The following PRKCB variants were observed in gnomAD, a reference collection of about 807,000 sequenced individuals.
PRKCB encodes the protein protein kinase C beta, also known as protein kinase C beta type.
A neutral mutation model predicts 81.5 loss-of-function variants in PRKCB; 13 were observed. The ratio of observed to expected loss-of-function variants is 0.16; its 90% confidence interval spans 0.10 to 0.25. PRKCB has a LOEUF of 0.25. PRKCB is among the 10% of genes least tolerant of loss of function. PRKCB has a pLI of 1.00. For missense variants in PRKCB, 509 were observed against 875.7 expected (o/e 0.58, Z 5.29); for synonymous variants, 335 against 321.4 (o/e 1.04, Z -0.45).
chr16:24,192,595 C>T (rs1967810401), intron 16 of PRKCB, among the ~76,000 whole-genome samples: 1 of 152,194 alleles, frequency 6.6e-6, no homozygotes. Context: ...CCTCTCTTGG[C>T]CAGATGCACA....
chr16:24,174,497 T>G, intron 11 of PRKCB, 21 bp from the exon 12 acceptor site: 1 of 1,334,142 alleles, frequency 7.5e-7, no homozygotes, highest in Non-Finnish European at 1.0e-6. Flanking sequence ...TCCATCGCTT[T>G]TTTTTTTTTT....
At chr16:24,087,391 G>T (rs1433265993) in intron 5 of PRKCB, among the ~76,000 whole-genome samples, 1 of 152,150 alleles carries the variant, frequency 6.6e-6, no homozygotes, top group African/African-American at 2.4e-5. Flanking sequence ...GTATGAATGC[G>T]CCATATATTA....
chr16:24,124,462 C>T (rs1037181602), intron 9 of PRKCB, among the ~76,000 whole-genome samples: 1 of 152,146 alleles, frequency 6.6e-6, no homozygotes, highest in African/African-American at 2.4e-5. Context: ...AGCGGGGAGC[C>T]ATTGAACCTT....
At chr16:23,901,918 G>T (rs1963480460) in intron 2 of PRKCB, among the ~76,000 whole-genome samples, 1 of 152,208 alleles carries the variant, frequency 6.6e-6, no homozygotes, top group Admixed American at 6.5e-5. Flanking sequence ...CTGTGGCTGA[G>T]TGTGTGTGCC....
At chr16:23,953,385 CG>C (rs1055354887) in intron 2 of PRKCB, among the ~76,000 whole-genome samples, 7 of 152,194 alleles carry the variant, frequency 4.6e-5, no homozygotes, top group African/African-American at 1.4e-4. Context: ...TGGCTGCTCC[CG>C]AGCAGCCATC....
Position 23,864,086 on chromosome 16 carries a change from T to C in PRKCB, c.205+26680T>C, listed in dbSNP as rs548269049. On this transcript the variant is annotated intron_variant, in intron 2 of 16. Transcript: ENST00000643927. ...TGTAGGGCGACTAACATGAAGGTTC[T>C]GACTCTTAACCCATAGAGCCACAAA... is the stretch of plus-strand genomic sequence containing the variant. 7.2e-5 allele frequency among the ~76,000 whole-genome samples: 11 copies of C among 152,314 alleles called. No individual in the cohort carries two copies. The South Asian group carries it at 2.1e-3, about 29-fold the overall frequency.
At chr16:24,002,903 C>T (rs1188598981) in intron 3 of PRKCB, among the ~76,000 whole-genome samples, 1 of 152,118 alleles carries the variant, frequency 6.6e-6, no homozygotes, top group Non-Finnish European at 1.5e-5. Context: ...TCAACTGGGG[C>T]TCCCTTACCC....
At chr16:23,946,619 T>C (rs1964206493) in intron 2 of PRKCB, among the ~76,000 whole-genome samples, 1 of 147,072 alleles carries the variant, frequency 6.8e-6, no homozygotes, top group Non-Finnish European at 1.5e-5. Context: ...AAATGCTGAT[T>C]CTTAGCAGGC....
chr16:23,859,227 A>G (rs768231488), intron 2 of PRKCB, among the ~76,000 whole-genome samples: 32 of 152,292 alleles, frequency 2.1e-4, no homozygotes, highest in Non-Finnish European at 4.1e-4. Context: ...TCTGACTCCT[A>G]GGCTTGAAGG....
intron 5 of PRKCB, among the ~76,000 whole-genome samples, chr16:24,041,079 T>A (rs1965691915): frequency 7.8e-6 from 1 of 127,930 alleles, no homozygotes; most frequent in African/African-American, 2.8e-5. Context: ...TGTGACAGAG[T>A]CTTGCTGTCA....
intron 8 of PRKCB, among the ~76,000 whole-genome samples, chr16:24,114,486 T>C (rs1966714416): frequency 6.6e-6 from 1 of 151,954 alleles, no homozygotes; most frequent in African/African-American, 2.4e-5. Context: ...GCTGTGACCT[T>C]GAGTTACATT....
At chr16:23,865,529 G>A (rs865853315) in intron 2 of PRKCB, among the ~76,000 whole-genome samples, 20 of 1,812 alleles carry the variant, frequency 0.011, no homozygotes, top group Non-Finnish European at 0.013. Context: ...GTGTGTGTGT[G>A]TGTGTGTGTG....
At chr16:24,190,492 G>GTTTT (rs11315093) in intron 15 of PRKCB, among the ~76,000 whole-genome samples, 1 of 123,302 alleles carries the variant, frequency 8.1e-6, no homozygotes. Context: ...TTTTCTTTCT[G>GTTTT]TTTTTTTTTT....
At chr16:23,955,488 G>A (rs117934087) in intron 2 of PRKCB, among the ~76,000 whole-genome samples, 3,081 of 152,152 alleles carry the variant, frequency 0.02, 58 homozygotes, top group Non-Finnish European at 0.032. Context: ...ATGGGGTGCC[G>A]CGCTTGCCCT....
intron 3 of PRKCB, among the ~76,000 whole-genome samples, chr16:24,029,522 T>C (rs895633390): frequency 7.9e-5 from 12 of 152,222 alleles, no homozygotes; most frequent in Non-Finnish European, 1.2e-4. Context: ...GAAAATTGAC[T>C]GTTAGTCAAT....
At chr16:24,006,605 C>T (rs1046551989) in intron 3 of PRKCB, among the ~76,000 whole-genome samples, 1 of 152,210 alleles carries the variant, frequency 6.6e-6, no homozygotes. Flanking sequence ...ATGTGGCATC[C>T]TTCAGAGCGT....
intron 2 of PRKCB, among the ~76,000 whole-genome samples, chr16:23,977,506 T>A (rs1964641025): frequency 1.3e-5 from 2 of 152,104 alleles, no homozygotes; most frequent in Non-Finnish European, 2.9e-5. Flanking sequence ...TGCTGTAGAA[T>A]TGTATATGGG....
chr16:24,104,905 C>A (rs2141910719), intron 7 of PRKCB, among the ~76,000 whole-genome samples: 1 of 152,192 alleles, frequency 6.6e-6, no homozygotes, highest in East Asian at 1.9e-4. Flanking sequence ...ACACGGGGAG[C>A]CAAGGAATTA....
chr16:23,979,691 A>G lies in PRKCB; in HGVS notation c.206-8817A>G, dbSNP rs553045681. 3.3e-5 allele frequency among the ~76,000 whole-genome samples: 5 copies of G among 152,340 alleles called. No homozygotes were observed. The East Asian group carries it at 7.7e-4, about 24-fold the overall frequency. On this transcript the variant is annotated intron_variant, in intron 2 of 16. Transcript: ENST00000643927. ...TTCTCCTGGAACAGTGAGATGAATG[A>G]CAAACACACATGTAACTGCACTGTG...
Sources: allele counts gnomAD v4.1 joint callset (sites outside exome capture counted in the v4.1 genomes callset), GRCh38; gene constraint gnomAD v4.1.1; transcripts MANE v1.5; gene names NCBI Gene and HGNC (gene_info 2026-07-23, HGNC 2026-07-21).